The following TOX3 variants were observed in gnomAD, a reference collection of about 807,000 sequenced individuals.
TOX3 encodes the protein CAG trinucleotide repeat-containing gene F9 protein.
In TOX3, 22 loss-of-function variants were observed where a neutral mutation model predicts 64.3. That is an observed-to-expected ratio of 0.34 (90% CI 0.24 to 0.49). TOX3 has a LOEUF of 0.49. TOX3 is among the 20% of genes least tolerant of loss of function. The pLI is 0.99. For synonymous variants in TOX3, 291 were observed against 273.6 expected, an observed-to-expected ratio of 1.06 and a Z score of -0.63; for missense variants, 661 against 714.4, an observed-to-expected ratio of 0.93 and a Z score of 0.85.
chr16:52,531,148 G>A (rs1046798736), intron 1 of TOX3, among the ~76,000 whole-genome samples: 2 of 152,148 alleles, frequency 1.3e-5, no homozygotes, highest in Non-Finnish European at 2.9e-5. Context: ...TATTAATGCA[G>A]ACAGAGCAAG....
At chr16:52,530,525 C>T (rs1021805276) in intron 1 of TOX3, among the ~76,000 whole-genome samples, 2 of 152,014 alleles carry the variant, frequency 1.3e-5, no homozygotes, top group African/African-American at 2.4e-5. Flanking sequence ...GTAGTAGAGA[C>T]GGGGTTTCAC....
chr16:52,501,210 G>A (rs1001957672), intron 1 of TOX3, among the ~76,000 whole-genome samples: 1 of 151,614 alleles, frequency 6.6e-6, no homozygotes, highest in African/African-American at 2.4e-5. Context: ...AGGCCTCCAA[G>A]TCTACACTCT....
intron 1 of TOX3, among the ~76,000 whole-genome samples, chr16:52,491,422 G>A (rs1170087777): frequency 2.0e-5 from 3 of 152,138 alleles, no homozygotes; most frequent in Non-Finnish European, 4.4e-5. Flanking sequence ...ACTCACAGCA[G>A]CTCCTCAAAT....
intron 1 of TOX3, among the ~76,000 whole-genome samples, chr16:52,500,413 G>A (rs538909951): frequency 1.8e-4 from 27 of 152,076 alleles, no homozygotes; most frequent in Non-Finnish European, 3.2e-4. Flanking sequence ...ATCGGCATTC[G>A]ATCATATGAA....
intron 1 of TOX3, among the ~76,000 whole-genome samples, chr16:52,528,922 G>A (rs1596862074): frequency 6.6e-6 from 1 of 152,168 alleles, no homozygotes; most frequent in South Asian, 2.1e-4. Context: ...CTTTCTCAAA[G>A]GACAAATGCC....
rs570414647 is a variant in TOX3 at position 52,481,932 on chromosome 16, C to T, written c.88-13358G>A. Among the ~76,000 whole-genome samples the T allele has an allele frequency of 1.2e-4, 18 of 152,228 alleles. 1 individual carries two copies. The highest frequency in any genetic ancestry group is 3.9e-4 in the African/African-American group (16 of 41,542). ...ATGAGACTCTAAATCCCACTTCCGA[C>T]GAGGTCTTAGGGCAGGAAGGACAGA... On this transcript the variant is annotated intron_variant, in intron 1 of 6. Coordinates refer to ENST00000219746, the MANE Select transcript of TOX3 (RefSeq NM_001080430.4).
chr16:52,479,299 C>T (rs538403512), intron 1 of TOX3, among the ~76,000 whole-genome samples: 2 of 152,246 alleles, frequency 1.3e-5, no homozygotes, highest in East Asian at 1.9e-4. Context: ...TGTATGCATT[C>T]TAGGCAGGAA....
At chr16:52,543,541 A>G (rs143614807) in intron 1 of TOX3, among the ~76,000 whole-genome samples, 13 of 152,372 alleles carry the variant, frequency 8.5e-5, no homozygotes, top group African/African-American at 2.6e-4. Context: ...TTTGAGCAAC[A>G]TAATGAGTTT....
In TOX3 at chr16:52,438,945, A is replaced by G. The variant is rs757733988; in HGVS notation, c.*280T>C. 2 of 592,438 alleles carry G rather than the reference A, an allele frequency of 3.4e-6. No homozygotes were observed. Among genetic ancestry groups the G allele is most frequent in the South Asian group, 2.8e-5 (2 of 72,154 alleles). 36.7% of individuals were successfully genotyped at this position (592,438 alleles called of 1,614,324 possible). ...GTCCCAGGATTCATTAAACAGTTTG[A>G]TTCACATATTGTAGGTATAGCCTGA... On this transcript the variant is annotated 3_prime_UTR_variant, in exon 7 of 7. Coordinates refer to ENST00000219746, the MANE Select transcript of TOX3 (RefSeq NM_001080430.4).
chr16:52,493,520 G>A (rs931439464), intron 1 of TOX3, among the ~76,000 whole-genome samples: 2 of 152,190 alleles, frequency 1.3e-5, no homozygotes, highest in African/African-American at 4.8e-5. Flanking sequence ...ATCATCTGAA[G>A]AGAATTACTT....
intron 2 of TOX3, among the ~76,000 whole-genome samples, chr16:52,466,806 C>G (rs773163837): frequency 9.2e-5 from 14 of 151,998 alleles, no homozygotes; most frequent in Admixed American, 4.6e-4. Flanking sequence ...AAATGTTAAA[C>G]TACCTTTAAA....
At chr16:52,484,245 G>A (rs1961448011) in intron 1 of TOX3, among the ~76,000 whole-genome samples, 1 of 152,150 alleles carries the variant, frequency 6.6e-6, no homozygotes, top group African/African-American at 2.4e-5. Flanking sequence ...GAAAGGTTTT[G>A]TGTCTCAAAT....
At chr16:52,515,137 G>C (rs1276847556) in intron 1 of TOX3, among the ~76,000 whole-genome samples, 1 of 146,496 alleles carries the variant, frequency 6.8e-6, no homozygotes, top group African/African-American at 2.5e-5. Flanking sequence ...TAATTTCTGA[G>C]TGAATAAATT....
intron 1 of TOX3, among the ~76,000 whole-genome samples, chr16:52,470,531 C>T (rs1961012540): frequency 6.6e-6 from 1 of 151,982 alleles, no homozygotes; most frequent in African/African-American, 2.4e-5. Context: ...CTAAACAATT[C>T]AAAAAACAAA....
intron 3 of TOX3, among the ~76,000 whole-genome samples, chr16:52,459,877 A>C (rs1196062392): frequency 6.6e-6 from 1 of 152,146 alleles, no homozygotes; most frequent in Admixed American, 6.5e-5. Context: ...ATAATAATTC[A>C]ACTTCAAAAT....
chr16:52,504,466 C>CAA (rs71141197), intron 1 of TOX3, among the ~76,000 whole-genome samples: 40,408 of 93,630 alleles, frequency 0.43, 8,281 homozygotes, highest in Middle Eastern at 0.58. Flanking sequence ...GACTCCGTCT[C>CAA]AAAAAAAAAA....
chr16:52,459,234 G>A (rs965083604), intron 3 of TOX3, among the ~76,000 whole-genome samples: 3 of 152,052 alleles, frequency 2.0e-5, no homozygotes, highest in African/African-American at 7.2e-5. Context: ...GCTTGAACAC[G>A]GGAGTTCGAG....
rs1401784536 is a variant in TOX3 at position 52,546,683 on chromosome 16, G to A, written c.41C>T (p.Ala14Val). Reference sequence around the variant, plus strand: ...CAGGCACTGCGCGAAGTCCAGGCTGGCAGGGTCCCCGGCCGCCGCGGGGTA... The same window carrying A: ...CAGGCACTGCGCGAAGTCCAGGCTGACAGGGTCCCCGGCCGCCGCGGGGTA... Reference protein sequence around the residue: ...RFYPAAAGDPASLDFAQCLGY... With the variant: ...RFYPAAAGDPVSLDFAQCLGY... Residue 14 changes from alanine (A) to valine (V), a missense_variant, in exon 1 of 7, where the codon GCC becomes GTC. Transcript: ENST00000219746. 3.9e-6 allele frequency: 6 copies of A among 1,543,450 alleles called. No homozygotes were observed. The highest frequency in any genetic ancestry group is 1.9e-5 in the Admixed American group (1 of 51,694).
At chr16:52,519,461 G>C in intron 1 of TOX3, 1 of 1,551,466 alleles carries the variant, frequency 6.4e-7, no homozygotes, top group Non-Finnish European at 8.7e-7. Context: ...CCTGGCTCCC[G>C]AGCGAGGTTG....
Sources: allele counts gnomAD v4.1 joint callset (sites outside exome capture counted in the v4.1 genomes callset), GRCh38; gene constraint gnomAD v4.1.1; transcripts MANE v1.5; gene names NCBI Gene and HGNC (gene_info 2026-07-23, HGNC 2026-07-21).